The following GLRA3 variants were observed in gnomAD, a reference collection of about 807,000 sequenced individuals.
GLRA3 encodes the protein glycine receptor subunit alpha-3.
GLRA3 carries 44 observed loss-of-function variants against 60.4 expected under a neutral mutation model. The observed-to-expected ratio is 0.73, with a 90% CI of 0.57 to 0.94. The LOEUF (loss-of-function observed/expected upper bound fraction) is 0.94. Among genes scored for constraint, GLRA3 ranks in the 40% least tolerant of loss-of-function variants. GLRA3 has a pLI of 0.00. For synonymous variants in GLRA3, 223 were observed against 192.9 expected (o/e 1.16, Z -1.29); for missense variants, 508 against 564.6 (o/e 0.90, Z 1.02).
intron 2 of GLRA3, among the ~76,000 whole-genome samples, chr4:174,785,603 A>T (rs112167310): frequency 3.1e-4 from 47 of 152,280 alleles, no homozygotes; most frequent in African/African-American, 1.0e-3. Context: ...TTTGAAGTCC[A>T]GAGAGGGCAA....
chr4:174,753,930 G>T (rs1483539276), intron 3 of GLRA3, among the ~76,000 whole-genome samples: 1 of 151,992 alleles, frequency 6.6e-6, no homozygotes, highest in Admixed American at 6.6e-5. Context: ...GCTTATAGAG[G>T]TCTGTGCCTG....
intron 5 of GLRA3, among the ~76,000 whole-genome samples, chr4:174,706,176 G>A (rs1407130412): frequency 5.9e-5 from 9 of 152,044 alleles, no homozygotes; most frequent in African/African-American, 2.2e-4. Flanking sequence ...CTTGCAGTGA[G>A]CCGAGTTCAC....
intron 2 of GLRA3, among the ~76,000 whole-genome samples, chr4:174,775,402 T>C (rs1390936463): frequency 6.6e-6 from 1 of 152,046 alleles, no homozygotes; most frequent in African/African-American, 2.4e-5. Flanking sequence ...CAATTTGTGA[T>C]GAAGGGAGAA....
chr4:174,827,733 A>T (rs1741035205), intron 1 of GLRA3, among the ~76,000 whole-genome samples: 1 of 152,042 alleles, frequency 6.6e-6, no homozygotes, highest in African/African-American at 2.4e-5. Flanking sequence ...TCTATAAGGT[A>T]GTTTGAGATA....
intron 2 of GLRA3, among the ~76,000 whole-genome samples, chr4:174,767,435 G>T (rs374885181): frequency 6.6e-6 from 1 of 151,700 alleles, no homozygotes; most frequent in Non-Finnish European, 1.5e-5. Flanking sequence ...AATACTTTAG[G>T]TAACATAAAG....
chr4:174,676,880 G>A (rs139549691), intron 7 of GLRA3, among the ~76,000 whole-genome samples, 198 bp downstream of exon 7: 3 of 152,184 alleles, frequency 2.0e-5, no homozygotes, highest in Admixed American at 2.0e-4. Context: ...AATGTGAATA[G>A]CGGATATCAC....
chr4:174,809,717 AGTGACACT>A (rs1335219316), intron 1 of GLRA3, among the ~76,000 whole-genome samples: 1 of 152,158 alleles, frequency 6.6e-6, no homozygotes, highest in Admixed American at 6.5e-5. Flanking sequence ...TGGGTGACAG[AGTGACACT>A]GTGTCTCAAA....
chr4:174,652,878 G>A (rs926083905), intron 9 of GLRA3, among the ~76,000 whole-genome samples: 1 of 152,094 alleles, frequency 6.6e-6, no homozygotes, highest in African/African-American at 2.4e-5. Context: ...ATGTGGATGT[G>A]AGAGTGATGA....
chr4:174,683,349 A>G (rs1432743619), intron 5 of GLRA3, among the ~76,000 whole-genome samples: 1 of 152,130 alleles, frequency 6.6e-6, no homozygotes, highest in Non-Finnish European at 1.5e-5. Context: ...ACTCGTTAGA[A>G]AATGACTTTT....
At chr4:174,692,288 G>A (rs1171885386) in intron 5 of GLRA3, among the ~76,000 whole-genome samples, 31 of 146,556 alleles carry the variant, frequency 2.1e-4, no homozygotes, top group Admixed American at 3.4e-4. Context: ...CACCCCACCC[G>A]GCCAGCCGCC....
intron 4 of GLRA3, among the ~76,000 whole-genome samples, chr4:174,717,970 C>A (rs1735986120): frequency 6.6e-6 from 1 of 152,056 alleles, no homozygotes; most frequent in Admixed American, 6.6e-5. Context: ...CATGCTCTCA[C>A]CATGCATGTG....
At chr4:174,824,545 A>G (rs758630795) in intron 1 of GLRA3, among the ~76,000 whole-genome samples, 1 of 152,210 alleles carries the variant, frequency 6.6e-6, no homozygotes, top group Non-Finnish European at 1.5e-5. Context: ...TATTAATGTA[A>G]CTAGCTCAAT....
intron 4 of GLRA3, among the ~76,000 whole-genome samples, chr4:174,718,810 C>A (rs943085675): frequency 6.6e-6 from 1 of 152,068 alleles, no homozygotes; most frequent in Non-Finnish European, 1.5e-5. Context: ...TCATTTACTC[C>A]GTACTACAAA....
At chr4:174,720,945 G>A (rs1182276087) in intron 4 of GLRA3, among the ~76,000 whole-genome samples, 4 of 152,152 alleles carry the variant, frequency 2.6e-5, no homozygotes, top group Non-Finnish European at 4.4e-5. Flanking sequence ...AGAACTGGGT[G>A]TAAGGATGGG....
chr4:174,798,361 A>G (rs1055021976), intron 1 of GLRA3, among the ~76,000 whole-genome samples: 1 of 152,212 alleles, frequency 6.6e-6, no homozygotes, highest in Non-Finnish European at 1.5e-5. Context: ...AAGTAACATA[A>G]GCAATTGATA....
intron 9 of GLRA3, among the ~76,000 whole-genome samples, chr4:174,648,641 T>G (rs1362528034): frequency 6.6e-6 from 1 of 152,126 alleles, no homozygotes; most frequent in East Asian, 1.9e-4. Flanking sequence ...CAACCAAAAC[T>G]TGGGTAAGCA....
chr4:174,688,256 A>G (rs1734624648), intron 5 of GLRA3, among the ~76,000 whole-genome samples: 1 of 143,444 alleles, frequency 7.0e-6, no homozygotes, highest in Admixed American at 7.2e-5. Context: ...CCTTTCCTCC[A>G]GTTGCTCTAC....
At chr4:174,826,308 T>C (rs570179781) in intron 1 of GLRA3, among the ~76,000 whole-genome samples, 22 of 152,322 alleles carry the variant, frequency 1.4e-4, no homozygotes, top group African/African-American at 5.3e-4. Flanking sequence ...AACATAATGC[T>C]TATAAAAATA....
chr4:174,760,756 G>A (rs1737909553), intron 3 of GLRA3, among the ~76,000 whole-genome samples: 1 of 152,102 alleles, frequency 6.6e-6, no homozygotes, highest in African/African-American at 2.4e-5. Flanking sequence ...CTGACCTCAG[G>A]TGATCCGCCC....
Sources: gnomAD v4.1 joint callset for allele counts (sites outside exome capture counted in the v4.1 genomes callset) on GRCh38, gnomAD v4.1.1 for gene constraint, MANE v1.5 for transcripts, NCBI Gene and HGNC (gene_info 2026-07-23, HGNC 2026-07-21) for gene names.